The following COL21A1 variants were observed in gnomAD, a reference collection of about 807,000 sequenced individuals.
The protein encoded by COL21A1 is collagen alpha-1(XXI) chain.
In COL21A1, 149 loss-of-function variants were observed where a neutral mutation model predicts 137.9. That is an observed-to-expected ratio of 1.08 (90% CI 0.95 to 1.24). COL21A1 has a LOEUF of 1.24. Among genes scored for constraint, COL21A1 ranks in the 50% most tolerant of loss-of-function variants. The pLI is 0.00. For synonymous variants in COL21A1, 456 were observed against 391.5 expected (o/e 1.16, Z -1.95); for missense variants, 1,167 against 1,158.4 (o/e 1.01, Z -0.11).
intron 1 of COL21A1, among the ~76,000 whole-genome samples, chr6:56,393,566 T>C (rs1221136554): frequency 1.3e-5 from 2 of 152,122 alleles, no homozygotes; most frequent in African/African-American, 2.4e-5. Context: ...AGATGGTGGA[T>C]TGGTGGAATT....
chr6:56,192,998 G>A (rs1318707880), intron 1 of COL21A1, among the ~76,000 whole-genome samples: 1 of 152,170 alleles, frequency 6.6e-6, no homozygotes, highest in African/African-American at 2.4e-5. Flanking sequence ...AAAAAAGGAT[G>A]AGTTCACGTC....
chr6:56,176,670 A>G (rs952969258), intron 3 of COL21A1, among the ~76,000 whole-genome samples: 5 of 148,928 alleles, frequency 3.4e-5, no homozygotes, highest in Non-Finnish European at 3.0e-5. Context: ...GAAGGAAGAG[A>G]AGGAGGGAGG....
At chr6:56,107,084 G>A (rs1297641876) in intron 16 of COL21A1, among the ~76,000 whole-genome samples, 2 of 152,158 alleles carry the variant, frequency 1.3e-5, no homozygotes, top group Non-Finnish European at 2.9e-5. Flanking sequence ...ACCGCGCCCG[G>A]CCAAGTATTT....
At chr6:56,382,370 A>C (rs551032408) in intron 1 of COL21A1, among the ~76,000 whole-genome samples, 68 of 152,330 alleles carry the variant, frequency 4.5e-4, no homozygotes, top group African/African-American at 1.6e-3. Flanking sequence ...TAAAGAGGAA[A>C]GCGTTATGAA....
Position 56,060,721 on chromosome 6 carries a change from A to T in COL21A1, c.2407+20T>A, listed in dbSNP as rs111927678. ...TTGTAATTTGAGAAAAGTTATTAAA[A>T]TGCTATATTTGATACCTACCTCTTA... On this transcript the variant is annotated intron_variant, in intron 27 of 29. Transcript: ENST00000244728. The T allele has an allele frequency of 1.3e-5, 21 of 1,572,632 alleles. 1 individual carries two copies. The African/African-American group carries it at 1.6e-4, about 12-fold the overall frequency.
At chr6:56,114,452 T>G (rs1771727163) in intron 16 of COL21A1, among the ~76,000 whole-genome samples, 1 of 152,152 alleles carries the variant, frequency 6.6e-6, no homozygotes, top group Admixed American at 6.5e-5. Context: ...CTTGTGGGCA[T>G]TTAGAACTCA....
chr6:56,295,269 C>G (rs1764138066), intron 1 of COL21A1, among the ~76,000 whole-genome samples: 1 of 151,916 alleles, frequency 6.6e-6, no homozygotes, highest in African/African-American at 2.4e-5. Flanking sequence ...TCATGTGAGT[C>G]TATTTCTGGG....
At chr6:56,301,364 C>G (rs754991230) in intron 1 of COL21A1, among the ~76,000 whole-genome samples, 5 of 152,158 alleles carry the variant, frequency 3.3e-5, no homozygotes, top group Admixed American at 2.6e-4. Flanking sequence ...CAGGCATTCT[C>G]TAGAAGCTGA....
chr6:56,386,007 C>T (rs563334870), intron 1 of COL21A1, among the ~76,000 whole-genome samples: 3 of 152,006 alleles, frequency 2.0e-5, no homozygotes, highest in East Asian at 3.9e-4. Context: ...TCAAGCGATT[C>T]TCCTGCCTCA....
At chr6:56,072,642 C>T (rs1467627797) in intron 20 of COL21A1, among the ~76,000 whole-genome samples, 1 of 151,404 alleles carries the variant, frequency 6.6e-6, no homozygotes, top group Non-Finnish European at 1.5e-5. Context: ...CATAGCCACA[C>T]CCCATACCCA....
At chr6:56,317,862 T>C (rs900847445) in intron 1 of COL21A1, among the ~76,000 whole-genome samples, 23 of 152,140 alleles carry the variant, frequency 1.5e-4, no homozygotes, top group African/African-American at 5.5e-4. Context: ...TTTACAAAAC[T>C]ATATTTCCTT....
At chr6:56,086,072 G>T (rs1451526484) in intron 17 of COL21A1, among the ~76,000 whole-genome samples, 1 of 151,240 alleles carries the variant, frequency 6.6e-6, no homozygotes, top group Admixed American at 6.6e-5. Flanking sequence ...GTCATCAGGG[G>T]TTTTAAATTT....
chr6:56,393,660 C>T (rs2094034346), intron 1 of COL21A1, among the ~76,000 whole-genome samples: 1 of 152,172 alleles, frequency 6.6e-6, no homozygotes, highest in South Asian at 2.1e-4. Flanking sequence ...GCAACACAAA[C>T]TTAACAGGAA....
intron 1 of COL21A1, among the ~76,000 whole-genome samples, chr6:56,315,809 G>A (rs759136464): frequency 9.9e-5 from 15 of 152,084 alleles, no homozygotes; most frequent in South Asian, 2.1e-4. Flanking sequence ...GCATACCATA[G>A]TTAATAATAA....
intron 1 of COL21A1, among the ~76,000 whole-genome samples, chr6:56,270,596 C>T (rs1451990306): frequency 6.6e-6 from 1 of 152,210 alleles, no homozygotes; most frequent in Non-Finnish European, 1.5e-5. Flanking sequence ...ACACTCCACC[C>T]ACCAGTCACA....
intron 1 of COL21A1, among the ~76,000 whole-genome samples, chr6:56,260,411 A>G (rs1763222571): frequency 6.6e-6 from 1 of 151,528 alleles, no homozygotes; most frequent in Non-Finnish European, 1.5e-5. Context: ...CTGCCTCTAT[A>G]AAAAATACAA....
At chr6:56,338,940 C>T (rs9370523) in intron 1 of COL21A1, among the ~76,000 whole-genome samples, 29,539 of 152,076 alleles carry the variant, frequency 0.19, 3,232 homozygotes, top group East Asian at 0.42. Flanking sequence ...CCTAAAAAGA[C>T]TGCTTAGCAG....
intron 17 of COL21A1, among the ~76,000 whole-genome samples, chr6:56,100,216 G>T (rs1322463333): frequency 2.6e-5 from 4 of 152,108 alleles, no homozygotes; most frequent in African/African-American, 7.2e-5. Context: ...TCTTCATTCA[G>T]ATGAGTTCTC....
At chr6:56,207,671 C>A (rs371206814) in intron 1 of COL21A1, among the ~76,000 whole-genome samples, 2 of 152,260 alleles carry the variant, frequency 1.3e-5, no homozygotes, top group South Asian at 4.1e-4. Flanking sequence ...GGAATCCTCC[C>A]TAACTCATTT....
Sources: allele counts gnomAD v4.1 joint callset (sites outside exome capture counted in the v4.1 genomes callset), GRCh38; gene constraint gnomAD v4.1.1; transcripts MANE v1.5; gene names NCBI Gene and HGNC (gene_info 2026-07-23, HGNC 2026-07-21).